The following CROCC2 variants were observed in gnomAD, a reference collection of about 807,000 sequenced individuals.
CROCC2 encodes ciliary rootlet coiled-coil protein 2.
CROCC2 carries 163 observed loss-of-function variants against 177.6 expected under a neutral mutation model. That is an observed-to-expected ratio of 0.92 (90% CI 0.81 to 1.05). The LOEUF is 1.05. Ranked by LOEUF, CROCC2 falls within the 50% of genes least tolerant of loss-of-function variation. CROCC2 has a pLI of 0.00. For missense variants in CROCC2, 1,929 were observed against 1,797.8 expected, an observed-to-expected ratio of 1.07 and a Z score of -1.32; for synonymous variants, 904 against 787.3, an observed-to-expected ratio of 1.15 and a Z score of -2.48.
chr2:240,964,993 G>A (rs984921265), intron 22 of CROCC2, among the ~76,000 whole-genome samples: 1 of 152,192 alleles, frequency 6.6e-6, no homozygotes, highest in African/African-American at 2.4e-5. Context: ...CTAGAGGGGA[G>A]GCCTGGCCTC....
intron 28 of CROCC2, chr2:240,983,387 C>T (rs1194008042): frequency 7.7e-7 from 1 of 1,291,314 alleles, no homozygotes; most frequent in East Asian, 5.8e-5. Context: ...AACTCGGGCC[C>T]TCCCAATCCC....
chr2:240,906,739 G>T (rs1358182322), intron 1 of CROCC2, 148 bp downstream of exon 1: 1 of 396,922 alleles, frequency 2.5e-6, no homozygotes, highest in Non-Finnish European at 4.4e-6. Flanking sequence ...TGCCTTGAGC[G>T]TGCAGCCAGT....
rs755003415 is a variant in CROCC2 at position 240,982,586 on chromosome 2, A to C, written c.4402-294A>C. The C allele has an allele frequency of 2.1e-5, 6 of 282,122 alleles. No homozygotes were observed. Among genetic ancestry groups the C allele is most frequent in the Non-Finnish European group, 3.9e-5 (6 of 152,332 alleles). 17.5% of individuals were successfully genotyped at this position (282,122 alleles called of 1,614,324 possible). On this transcript the variant is annotated intron_variant, in intron 27 of 31. Coordinates refer to ENST00000690015, the MANE Select transcript of CROCC2 (RefSeq NM_001351305.2). The surrounding 1 kb of genome is among the most constrained non-coding windows in gnomAD (Gnocchi z 4.7). Reference sequence around the variant, plus strand: ...AGGGATGCCACTGATGTGCCCTCTGAGACCACTGGCTGCAGCAGAGAACCT... The same window carrying C: ...AGGGATGCCACTGATGTGCCCTCTGCGACCACTGGCTGCAGCAGAGAACCT...
intron 27 of CROCC2, chr2:240,981,746 C>T (rs1483998925): frequency 2.0e-5 from 3 of 149,904 alleles, no homozygotes. Context: ...AACAAAGTGT[C>T]GGACCAAAAA....
Position 240,989,674 on chromosome 2 carries a change from G to C in CROCC2, c.4704G>C (p.Glu1568Asp), listed in dbSNP as rs1225841883. The C allele has an allele frequency of 6.5e-7, 1 of 1,548,106 alleles. No individual in the cohort carries two copies. The stretch of plus-strand genomic sequence containing the variant: ...TCCAGGCCCAGATGACAGAGATGGA[G>C]CAGGCCCACACCCAGCGGCTCCAGG... ...QQLQAQMTEM[E>D]QAHTQRLQDL... is the part of the protein sequence containing the mutation. The change falls in exon 30 of 32, where the codon GAG (glutamate) becomes GAC (aspartate). Residue 1568 changes from glutamate to aspartate, a missense_variant. By Grantham distance (45) the Glu-to-Asp change is conservative. This residue lies in a region of CROCC2 where 388 missense variants were observed against 352.7 expected (regional missense o/e 1.10). Transcript: ENST00000690015.
At chr2:240,932,000 G>T (rs1208890914) in intron 7 of CROCC2, among the ~76,000 whole-genome samples, 1 of 152,256 alleles carries the variant, frequency 6.6e-6, no homozygotes, top group Non-Finnish European at 1.5e-5. Context: ...AGAAGGACTG[G>T]CCAGGAAAAG....
At chr2:240,959,628 C>G (rs562559583) in intron 20 of CROCC2, 184 bp downstream of exon 20, 1 of 692,618 alleles carries the variant, frequency 1.4e-6, no homozygotes, top group East Asian at 3.0e-5. Context: ...AAGGGGCCCT[C>G]ACACCACGCA....
At chr2:240,989,979 TC>T (rs1300264154) in intron 30 of CROCC2, 146 bp downstream of exon 30, 1 of 724,944 alleles carries the variant, frequency 1.4e-6, no homozygotes, top group African/African-American at 1.8e-5. Context: ...CCAGACCTGC[TC>T]CGGGCACTGC....
rs777568751 is a variant in CROCC2, at chr2:240,991,290, T to C, written c.4946+12T>C. Reference sequence around the variant, plus strand: ...TTCCAGACAGGACAGTGAGCCCTGCTGCATACCACCCAGCAGCCTAGCTGC... The same window carrying C: ...TTCCAGACAGGACAGTGAGCCCTGCCGCATACCACCCAGCAGCCTAGCTGC... On this transcript the variant is annotated intron_variant, in intron 31 of 31. Transcript: ENST00000690015. 23 of 1,544,920 alleles carry C rather than the reference T, an allele frequency of 1.5e-5. No homozygotes were observed. Among genetic ancestry groups the C allele is most frequent in the Non-Finnish European group, 1.9e-5 (22 of 1,143,662 alleles).
intron 1 of CROCC2, among the ~76,000 whole-genome samples, chr2:240,907,899 AG>A (rs2059267237): frequency 1.5e-5 from 1 of 65,116 alleles, no homozygotes; most frequent in Admixed American, 1.4e-4. Context: ...ACCTGGGGTG[AG>A]CTCTACCTCC....
Position 240,972,930 on chromosome 2 carries a change from G to A in CROCC2, c.4401+4668G>A, listed in dbSNP as rs1298576193. On this transcript the variant is annotated intron_variant, in intron 27 of 31. Transcript: ENST00000690015. The surrounding 1 kb of genome is among the most constrained non-coding windows in gnomAD (Gnocchi z 7.1). ...CAGCAAACCCAGGCAGAGAGCTCAG[G>A]GTTGAAATTTTCTAGCCAGCCAGGG... 6.6e-6 allele frequency among the ~76,000 whole-genome samples: 1 copy of A among 152,030 alleles called. No homozygotes were observed. Among genetic ancestry groups the A allele is most frequent in the Non-Finnish European group, 1.5e-5 (1 of 67,998 alleles).
intron 27 of CROCC2, among the ~76,000 whole-genome samples, chr2:240,971,140 C>T (rs528009388): frequency 1.3e-5 from 2 of 152,324 alleles, no homozygotes; most frequent in South Asian, 4.1e-4. Flanking sequence ...CCCCCCATCT[C>T]CACGTGCCTC....
At chr2:240,933,989 C>A in intron 11 of CROCC2, 137 bp downstream of exon 11, 1 of 986,588 alleles carries the variant, frequency 1.0e-6, no homozygotes, top group Non-Finnish European at 1.5e-6. Flanking sequence ...CCTAACAGGG[C>A]AGGGGCGGGG....
chr2:240,946,053 C>T lies in CROCC2; in HGVS notation c.2170-7C>T, dbSNP rs935877307. 2.7e-6 allele frequency: 4 copies of T among 1,503,682 alleles called. No homozygotes were observed. The highest frequency in any genetic ancestry group is 2.5e-5 in the South Asian group (2 of 79,628). The allele number at this position is 1,503,682 out of a possible 1,614,324, so 93.1% of individuals were successfully genotyped here. ...TCTGCCGACTGTCCCCTCCCCACCT[C>T]CCCTAGGTCACATGCCAGAAACAGG... On this transcript the variant is annotated splice_polypyrimidine_tract_variant and splice_region_variant and intron_variant, in intron 14 of 31. Transcript: ENST00000690015.
chr2:240,990,332 G>A (rs2059869391), intron 30 of CROCC2, among the ~76,000 whole-genome samples: 1 of 152,212 alleles, frequency 6.6e-6, no homozygotes. Flanking sequence ...TGTGTGCACT[G>A]CACACCCACA....
chr2:240,974,042 T>A (rs533128835), intron 27 of CROCC2, among the ~76,000 whole-genome samples: 1 of 152,238 alleles, frequency 6.6e-6, no homozygotes, highest in African/African-American at 2.4e-5. Context: ...TAACTTATCT[T>A]ACACATTCAA....
intron 4 of CROCC2, among the ~76,000 whole-genome samples, chr2:240,925,050 A>G (rs1389672684): frequency 6.8e-6 from 1 of 148,060 alleles, no homozygotes; most frequent in African/African-American, 2.5e-5. Flanking sequence ...CACAGCAACC[A>G]AGGCCCACCA....
At position 240,949,381 on chromosome 2, in the gene CROCC2, C is replaced by G. The variant is rs567534750; in HGVS notation, c.2483-152C>G. Among the ~76,000 whole-genome samples the G allele has an allele frequency of 3.3e-5, 5 of 152,274 alleles. No individual in the cohort carries two copies. In the South Asian group the frequency reaches 1.0e-3, roughly 32 times the overall value. ...CAGCTGCAGCCCTGTACCCTTGACC[C>G]TGCTCAGCCCACCCTGCCATGTGCT... is the stretch of plus-strand genomic sequence containing the variant. On this transcript the variant is annotated intron_variant, in intron 16 of 31. Transcript: ENST00000690015. The surrounding 1 kb of genome is among the most constrained non-coding windows in gnomAD (Gnocchi z 4.5).
intron 1 of CROCC2, among the ~76,000 whole-genome samples, chr2:240,913,625 G>C (rs1368858568): frequency 6.6e-6 from 1 of 152,222 alleles, no homozygotes; most frequent in Non-Finnish European, 1.5e-5. Flanking sequence ...CTGCCTGCAG[G>C]GGTGGCCTAG....
Sources: allele counts gnomAD v4.1 joint callset (sites outside exome capture counted in the v4.1 genomes callset), GRCh38; gene constraint gnomAD v4.1.1; regional missense constraint gnomAD v4.1.1; non-coding constraint Gnocchi (gnomAD v3.1); transcripts MANE v1.5; gene names NCBI Gene and HGNC (gene_info 2026-07-23, HGNC 2026-07-21).